Variants in SMURF2 observed in about 807,000 individuals in gnomAD.
SMURF2 encodes E3 ubiquitin-protein ligase SMURF2.
SMURF2 carries 48 observed loss-of-function variants against 109.6 expected under a neutral mutation model. That is an observed-to-expected ratio of 0.44 (90% CI 0.35 to 0.56). The LOEUF is 0.56. SMURF2 is among the 20% of genes least tolerant of loss of function. The probability of loss-of-function intolerance (pLI) is 0.01; values close to 1 mark genes in which losing one functional copy is unlikely to be tolerated. For missense variants in SMURF2, 575 were observed against 909.0 expected (o/e 0.63, Z 4.72); for synonymous variants, 288 against 317.1 (o/e 0.91, Z 0.97).
chr17:64,584,875 T>C (rs1175361502), intron 6 of SMURF2, among the ~76,000 whole-genome samples: 4 of 152,188 alleles, frequency 2.6e-5, no homozygotes, highest in Non-Finnish European at 5.9e-5. Context: ...ATAAGCCTTA[T>C]TACTGCTGGC....
Position 64,571,955 on chromosome 17 carries a change from C to T in SMURF2, c.859G>A (p.Asp287Asn). The change falls in exon 10 of 19, where the codon GAT (aspartate) becomes AAT (asparagine). Residue 287 changes from aspartate (D) to asparagine (N), a missense_variant and splice_region_variant. Physicochemically the swap from Asp to Asn is conservative, Grantham distance 23. Transcript: ENST00000262435. ...STWHDPRVPR[D>N]LSNINCEELG... The stretch of plus-strand genomic sequence containing the variant: ...TCTTCACAATTGATGTTGCTAAGAT[C>T]CCTGCAAAAACAAATATAAAATAAA... The T allele has an allele frequency of 2.5e-6, 4 of 1,603,538 alleles. No homozygotes were observed. Among genetic ancestry groups the T allele is most frequent in the Non-Finnish European group, 3.4e-6 (4 of 1,176,108 alleles).
intron 1 of SMURF2, among the ~76,000 whole-genome samples, chr17:64,617,119 T>C (rs1369894203): frequency 6.7e-6 from 1 of 149,216 alleles, no homozygotes; most frequent in African/African-American, 2.5e-5. Context: ...AAAGCAATTA[T>C]TGGTGACACA....
intron 9 of SMURF2, among the ~76,000 whole-genome samples, chr17:64,574,748 T>C (rs993990128): frequency 6.6e-6 from 1 of 152,218 alleles, no homozygotes; most frequent in Non-Finnish European, 1.5e-5. Context: ...GAGATATTCT[T>C]AAAGCTTCGC....
intron 1 of SMURF2, among the ~76,000 whole-genome samples, chr17:64,636,166 T>C (rs1176087880): frequency 2.0e-5 from 3 of 152,146 alleles, no homozygotes; most frequent in African/African-American, 7.2e-5. Flanking sequence ...TGAAATGTGG[T>C]CTCACTATGC....
At chr17:64,584,849 G>C (rs1333813771) in intron 6 of SMURF2, among the ~76,000 whole-genome samples, 1 of 152,114 alleles carries the variant, frequency 6.6e-6, no homozygotes, top group Non-Finnish European at 1.5e-5. Context: ...CAATAATGTA[G>C]GGCAAGTTTA....
chr17:64,593,649 T>C (rs1261423635), intron 3 of SMURF2, 76 bp from the exon 4 acceptor site: 8 of 1,317,620 alleles, frequency 6.1e-6, no homozygotes, highest in Middle Eastern at 2.1e-4. Context: ...TTGTTCTTTT[T>C]ATATTCTAAA....
At position 64,554,023 on chromosome 17, in the gene SMURF2, A is replaced by G. The variant is rs966609174; in HGVS notation, c.1748+833T>C. Among the ~76,000 whole-genome samples, 16 of 152,244 alleles carry G rather than the reference A, an allele frequency of 1.1e-4. 1 individual carries two copies. Among genetic ancestry groups the G allele is most frequent in the African/African-American group, 3.9e-4 (16 of 41,466 alleles). On this transcript the variant is annotated intron_variant, in intron 15 of 18. Transcript: ENST00000262435. Reference sequence around the variant, plus strand: ...CTTTTTATTTCTCATAAGCCAAATTAGCCCAATACATAAAAATTCCTCAAT... The same window carrying G: ...CTTTTTATTTCTCATAAGCCAAATTGGCCCAATACATAAAAATTCCTCAAT...
intron 1 of SMURF2, among the ~76,000 whole-genome samples, chr17:64,654,766 T>C (rs1970684132): frequency 1.3e-5 from 2 of 152,084 alleles, no homozygotes; most frequent in African/African-American, 4.8e-5. Flanking sequence ...GAGGCAGAGG[T>C]TGCAGTGAGC....
At chr17:64,619,219 C>T (rs1970165903) in intron 1 of SMURF2, among the ~76,000 whole-genome samples, 1 of 152,024 alleles carries the variant, frequency 6.6e-6, no homozygotes, top group African/African-American at 2.4e-5. Flanking sequence ...TGGCTCATGC[C>T]TGTAATACTA....
chr17:64,593,537 T>A lies in SMURF2; in HGVS notation c.237A>T (p.Val79=), dbSNP rs143102779. Residue 79 remains valine, a synonymous_variant, in exon 4 of 19, where the codon GTA becomes GTT. Transcript: ENST00000262435. ...TCTTATGGATCTTCTTGTGATTCCA[T>A]ACACTGATCGTAACTGAATCAGACT... ...IGKSDSVTIS[V]WNHKKIHKKQ... 4.4e-6 allele frequency: 7 copies of A among 1,591,074 alleles called. No homozygotes were observed. Among genetic ancestry groups the A allele is most frequent in the Non-Finnish European group, 6.0e-6 (7 of 1,165,208 alleles).
intron 1 of SMURF2, among the ~76,000 whole-genome samples, chr17:64,648,065 A>T (rs1246110237): frequency 7.8e-6 from 1 of 128,474 alleles, no homozygotes; most frequent in African/African-American, 4.0e-5. Flanking sequence ...TCTTAAAAAA[A>T]AAAAAAAAAA....
Position 64,555,810 on chromosome 17 carries a change from C to T in SMURF2, c.1610+10G>A, listed in dbSNP as rs1969111550. 1 of 1,576,420 alleles carries T rather than the reference C, an allele frequency of 6.3e-7. No individual in the cohort carries two copies. The highest frequency in any genetic ancestry group is 1.4e-5 in the African/African-American group (1 of 73,838). ...GTTTATAATGAAGAGATAGAAGACT[C>T]AATACATACAGTATCCACACTAAAC... On this transcript the variant is annotated intron_variant, in intron 14 of 18. Transcript: ENST00000262435.
intron 8 of SMURF2, among the ~76,000 whole-genome samples, chr17:64,579,756 T>C (rs1162800060): frequency 6.6e-6 from 1 of 152,230 alleles, no homozygotes; most frequent in Non-Finnish European, 1.5e-5. Flanking sequence ...GTGCTGTTAT[T>C]TTCCTCTATA....
At chr17:64,617,065 TAAAAAAAAAAAAAAAAA>T (rs35408397) in intron 1 of SMURF2, among the ~76,000 whole-genome samples, 2 of 48,508 alleles carry the variant, frequency 4.1e-5, no homozygotes, top group African/African-American at 8.5e-5. Context: ...AGACCTTGTC[TAAAAAAAAAAAAAAAAA>T]AAAAAAAAAA....
intron 9 of SMURF2, among the ~76,000 whole-genome samples, chr17:64,574,109 T>G (rs1969455469): frequency 6.6e-6 from 1 of 151,046 alleles, no homozygotes; most frequent in Admixed American, 6.6e-5. Context: ...AACCTGCACA[T>G]GTACCCCTGA....
chr17:64,594,246 T>A (rs1162915003), intron 3 of SMURF2: 1 of 152,204 alleles, frequency 6.6e-6, no homozygotes, highest in Admixed American at 6.5e-5. Context: ...GTCAGTAGAA[T>A]CCTAGCTCTA....
chr17:64,561,140 A>G (rs1330525532), intron 12 of SMURF2, among the ~76,000 whole-genome samples: 1 of 152,202 alleles, frequency 6.6e-6, no homozygotes, highest in Non-Finnish European at 1.5e-5. Flanking sequence ...GAAAAAAGGC[A>G]TAACAAATGG....
chr17:64,647,824 G>A (rs1970579414), intron 1 of SMURF2, among the ~76,000 whole-genome samples: 1 of 151,994 alleles, frequency 6.6e-6, no homozygotes, highest in African/African-American at 2.4e-5. Context: ...GGGAGGCTGA[G>A]GTGAGAGGAC....
At chr17:64,619,757 T>G in intron 1 of SMURF2, among the ~76,000 whole-genome samples, 1 of 152,054 alleles carries the variant, frequency 6.6e-6, no homozygotes. Context: ...ATCCTATTCA[T>G]GAAGGCTCCA....
Sources: allele counts gnomAD v4.1 joint callset (sites outside exome capture counted in the v4.1 genomes callset), GRCh38; gene constraint gnomAD v4.1.1; transcripts MANE v1.5; gene names NCBI Gene and HGNC (gene_info 2026-07-23, HGNC 2026-07-21).